TBC1D12: variants seen among roughly 807,000 people sequenced by gnomAD.
TBC1D12 encodes TBC1 domain family, member 12.
In TBC1D12, 56 loss-of-function variants were observed where a neutral mutation model predicts 86.7. The ratio of observed to expected loss-of-function variants is 0.65; its 90% CI spans 0.52 to 0.81. The LOEUF is 0.81. Among genes scored for constraint, TBC1D12 ranks in the 30% least tolerant of loss-of-function variants. The pLI, the probability that TBC1D12 is intolerant of heterozygous loss-of-function variation, is 0.00. For synonymous variants in TBC1D12, 421 were observed against 411.7 expected (o/e 1.02, Z -0.27); for missense variants, 1,023 against 1,038.8 (o/e 0.98, Z 0.21).
At chr10:94,438,383 A>C (rs2055334577) in intron 1 of TBC1D12, among the ~76,000 whole-genome samples, 1 of 150,886 alleles carries the variant, frequency 6.6e-6, no homozygotes, top group South Asian at 2.1e-4. Context: ...CTGGCTCCAA[A>C]AAAGGAGATC....
intron 1 of TBC1D12, among the ~76,000 whole-genome samples, chr10:94,416,978 A>G (rs181683560): frequency 1.3e-5 from 2 of 152,298 alleles, no homozygotes; most frequent in South Asian, 2.1e-4. Context: ...AACTGAGGCA[A>G]AAAGGTTGGG....
At chr10:94,427,833 CAAAAAAAA>C (rs71031576) in intron 1 of TBC1D12, among the ~76,000 whole-genome samples, 1 of 67,046 alleles carries the variant, frequency 1.5e-5, no homozygotes, top group African/African-American at 5.9e-5. Flanking sequence ...CCCTGTCTCA[CAAAAAAAA>C]AAAAAAAAAA....
chr10:94,478,974 G>A (rs2056036334), intron 3 of TBC1D12, among the ~76,000 whole-genome samples: 1 of 152,032 alleles, frequency 6.6e-6, no homozygotes, highest in Admixed American at 6.6e-5. Context: ...AAGTGGAAAT[G>A]TGATTTCAAT....
chr10:94,417,513 T>C (rs1176010817), intron 1 of TBC1D12, among the ~76,000 whole-genome samples: 1 of 152,208 alleles, frequency 6.6e-6, no homozygotes, highest in Non-Finnish European at 1.5e-5. Flanking sequence ...AGAGCCAGAA[T>C]AGCTATTTGG....
At chr10:94,474,624 T>C (rs752378621) in intron 2 of TBC1D12, 44 bp from the exon 3 acceptor site, 84 of 1,400,506 alleles carry the variant, frequency 6.0e-5, no homozygotes, top group Non-Finnish European at 7.3e-5. Context: ...GTACAAACTA[T>C]GTTGGAGCAG....
intron 3 of TBC1D12, among the ~76,000 whole-genome samples, chr10:94,483,334 C>T (rs2056106859): frequency 6.6e-6 from 1 of 152,158 alleles, no homozygotes; most frequent in Admixed American, 6.5e-5. Flanking sequence ...TTAGGAACCT[C>T]CAAACTGTTC....
intron 2 of TBC1D12, among the ~76,000 whole-genome samples, chr10:94,465,934 A>G (rs760392399): frequency 6.6e-6 from 1 of 151,142 alleles, no homozygotes; most frequent in African/African-American, 2.4e-5. Flanking sequence ...ATGCGTATAT[A>G]TGTATATACG....
intron 9 of TBC1D12, among the ~76,000 whole-genome samples, chr10:94,518,903 C>T (rs979164536): frequency 3.3e-5 from 5 of 151,914 alleles, no homozygotes; most frequent in Admixed American, 6.6e-5. Flanking sequence ...GGTAAAACCC[C>T]GTCACTATTA....
At chr10:94,496,593 CT>C (rs747006070) in intron 4 of TBC1D12, among the ~76,000 whole-genome samples, 7 of 152,082 alleles carry the variant, frequency 4.6e-5, no homozygotes, top group Non-Finnish European at 8.8e-5. Flanking sequence ...AGAAATTTGA[CT>C]TCATAGATTT....
At chr10:94,509,175 G>GCTCA (rs2056497740) in intron 7 of TBC1D12, 1 of 148,714 alleles carries the variant, frequency 6.7e-6, no homozygotes. Flanking sequence ...CAAGATCTTG[G>GCTCA]CTCACTGCAA....
rs142940660 is a variant in TBC1D12 at position 94,441,626 on chromosome 10, A to T, written c.972-270A>T. ...TCTGGGACACAGGTGCAGAATGTGC[A>T]GGTTTGTTACACAGGTATACGTGTG... On this transcript the variant is annotated intron_variant, in intron 1 of 12. Transcript: ENST00000225235. 5.6e-3 allele frequency among the ~76,000 whole-genome samples: 860 copies of T among 152,242 alleles called. 3 individuals carry two copies. Among genetic ancestry groups the T allele is most frequent in the Non-Finnish European group, 6.3e-3 (431 of 68,022 alleles).
Position 94,419,458 on chromosome 10 carries a change from A to C in TBC1D12, c.971+15874A>C, listed in dbSNP as rs925821496. On this transcript the variant is annotated intron_variant, in intron 1 of 12. Transcript: ENST00000225235. Reference sequence around the variant, plus strand: ...GGGAAGCCCAGGTGGGTGGATCATGAGGTCAGGAGTTCCAGACCAGCCTGG... The same window carrying C: ...GGGAAGCCCAGGTGGGTGGATCATGCGGTCAGGAGTTCCAGACCAGCCTGG... 2.0e-5 allele frequency among the ~76,000 whole-genome samples: 3 copies of C among 152,086 alleles called. No homozygotes were observed. In the East Asian group the frequency reaches 5.8e-4, roughly 29 times the overall value.
chr10:94,459,752 C>T (rs1174160900), intron 2 of TBC1D12, among the ~76,000 whole-genome samples: 1 of 152,200 alleles, frequency 6.6e-6, no homozygotes, highest in Non-Finnish European at 1.5e-5. Context: ...TGCTAAGCCC[C>T]TCACTGCCCG....
chr10:94,409,856 A>G (rs1468639434), intron 1 of TBC1D12, among the ~76,000 whole-genome samples: 1 of 152,184 alleles, frequency 6.6e-6, no homozygotes, highest in African/African-American at 2.4e-5. Context: ...TGCAAAGGTA[A>G]TACCAAGAGT....
chr10:94,411,005 A>G (rs2054920895), intron 1 of TBC1D12, among the ~76,000 whole-genome samples: 1 of 152,172 alleles, frequency 6.6e-6, no homozygotes, highest in Non-Finnish European at 1.5e-5. Context: ...TGAGTTAAAG[A>G]GAAAGCTGAA....
intron 2 of TBC1D12, among the ~76,000 whole-genome samples, chr10:94,462,585 C>G (rs1163801585): frequency 2.0e-5 from 3 of 152,190 alleles, no homozygotes; most frequent in Non-Finnish European, 4.4e-5. Context: ...TTCTTGACAT[C>G]AGCCTGGGCT....
chr10:94,492,593 A>C (rs1391626322), intron 3 of TBC1D12, among the ~76,000 whole-genome samples: 1 of 152,268 alleles, frequency 6.6e-6, no homozygotes, highest in Non-Finnish European at 1.5e-5. Flanking sequence ...TAATACAACA[A>C]CATGAATGAT....
At chr10:94,507,131 C>G in intron 6 of TBC1D12, 136 bp from the exon 7 acceptor site, 1 of 758,310 alleles carries the variant, frequency 1.3e-6, no homozygotes, top group Non-Finnish European at 2.2e-6. Flanking sequence ...GAATCAAGTA[C>G]TTAGATTTGC....
At chr10:94,521,575 T>G (rs1010677985) in intron 9 of TBC1D12, among the ~76,000 whole-genome samples, 1 of 152,252 alleles carries the variant, frequency 6.6e-6, no homozygotes, top group Non-Finnish European at 1.5e-5. Flanking sequence ...TTTACTCAGA[T>G]GTGTTATAAC....
Sources: gnomAD v4.1 joint callset for allele counts (sites outside exome capture counted in the v4.1 genomes callset) on GRCh38, gnomAD v4.1.1 for gene constraint, MANE v1.5 for transcripts, NCBI Gene and HGNC (gene_info 2026-07-23, HGNC 2026-07-21) for gene names.